The following PARD3 variants were observed in gnomAD, a reference collection of about 807,000 sequenced individuals.
The protein encoded by PARD3 is partitioning defective 3 homolog.
In PARD3, 75 loss-of-function variants were observed where a neutral mutation model predicts 155.4. The observed-to-expected ratio is 0.48, with a 90% confidence interval of 0.40 to 0.58. The LOEUF is 0.58. Among genes scored for constraint, PARD3 ranks in the 20% least tolerant of loss-of-function variants. The probability of loss-of-function intolerance (pLI) is 0.00; values close to 1 mark genes in which losing one functional copy is unlikely to be tolerated. For missense variants in PARD3, 1,642 were observed against 1,721.7 expected (o/e 0.95, Z 0.82); for synonymous variants, 576 against 610.5 (o/e 0.94, Z 0.83).
At chr10:34,740,044 AG>A (rs1177246498) in intron 1 of PARD3, among the ~76,000 whole-genome samples, 2 of 152,208 alleles carry the variant, frequency 1.3e-5, no homozygotes, top group Non-Finnish European at 2.9e-5. Context: ...AAGAAAGGAA[AG>A]GTGTCAGCTG....
intron 14 of PARD3, among the ~76,000 whole-genome samples, chr10:34,353,129 T>TG (rs992095027): frequency 9.9e-5 from 15 of 151,574 alleles, no homozygotes; most frequent in Admixed American, 5.2e-4. Context: ...GTCTGGGAAG[T>TG]GGGGGGCAGC....
At chr10:34,395,974 T>C (rs1229111615) in intron 7 of PARD3, among the ~76,000 whole-genome samples, 3 of 152,194 alleles carry the variant, frequency 2.0e-5, no homozygotes, top group Admixed American at 6.5e-5. Context: ...GACGAGCTAA[T>C]TGTCATTAAT....
chr10:34,681,149 G>C (rs1420423062), intron 2 of PARD3, among the ~76,000 whole-genome samples: 1 of 152,062 alleles, frequency 6.6e-6, no homozygotes, highest in African/African-American at 2.4e-5. Flanking sequence ...CAGAAATAGA[G>C]TAAGCTTTTG....
At chr10:34,709,319 T>G (rs1001797092) in intron 1 of PARD3, among the ~76,000 whole-genome samples, 1 of 152,236 alleles carries the variant, frequency 6.6e-6, no homozygotes, top group Non-Finnish European at 1.5e-5. Flanking sequence ...TGTGTGGAAT[T>G]TTCCACTTGT....
At chr10:34,814,755 G>C in intron 1 of PARD3, 121 bp downstream of exon 1, 2 of 873,294 alleles carry the variant, frequency 2.3e-6, no homozygotes, top group Non-Finnish European at 3.3e-6. Flanking sequence ...AGGCCCGACC[G>C]GCCGCACTTT....
chr10:34,557,211 T>G (rs1425311940), intron 2 of PARD3, among the ~76,000 whole-genome samples: 1 of 152,112 alleles, frequency 6.6e-6, no homozygotes, highest in African/African-American at 2.4e-5. Flanking sequence ...GTATGTTGGT[T>G]TTGAGGAGAA....
chr10:34,767,662 A>T (rs1838271615), intron 1 of PARD3, among the ~76,000 whole-genome samples: 1 of 151,770 alleles, frequency 6.6e-6, no homozygotes, highest in Admixed American at 6.6e-5. Context: ...GCAGTGGCAT[A>T]ATCTGGGCTC....
chr10:34,218,383 A>C (rs1333318786), intron 22 of PARD3, among the ~76,000 whole-genome samples: 2 of 152,184 alleles, frequency 1.3e-5, no homozygotes, highest in African/African-American at 4.8e-5. Context: ...ACTAACCACC[A>C]TGAAAAAACA....
intron 1 of PARD3, among the ~76,000 whole-genome samples, chr10:34,756,414 A>G (rs1836736607): frequency 6.7e-6 from 1 of 149,136 alleles, no homozygotes; most frequent in African/African-American, 2.5e-5. Flanking sequence ...CGGCCTCCCA[A>G]AGTGCTGGGA....
intron 2 of PARD3, among the ~76,000 whole-genome samples, chr10:34,601,220 A>C (rs1225880741): frequency 1.4e-5 from 2 of 147,180 alleles, no homozygotes; most frequent in African/African-American, 2.5e-5. Context: ...GAGGGCCAGG[A>C]GTTTGAGACC....
At chr10:34,275,336 G>A (rs1185208884) in intron 21 of PARD3, among the ~76,000 whole-genome samples, 1 of 152,148 alleles carries the variant, frequency 6.6e-6, no homozygotes, top group Non-Finnish European at 1.5e-5. Flanking sequence ...TATAGCATAC[G>A]TGTGGTCCAC....
At chr10:34,592,098 CG>C (rs143128628) in intron 2 of PARD3, among the ~76,000 whole-genome samples, 10,931 of 152,198 alleles carry the variant, frequency 0.072, 419 homozygotes, top group Middle Eastern at 0.092. Context: ...AAACTTTAGG[CG>C]CTCCTAACTA....
intron 2 of PARD3, among the ~76,000 whole-genome samples, chr10:34,536,800 T>A (rs1266430491): frequency 6.6e-6 from 1 of 152,170 alleles, no homozygotes; most frequent in African/African-American, 2.4e-5. Context: ...ACCCTGCTCT[T>A]CTAAGCAGAA....
chr10:34,119,686 G>C lies in PARD3; in HGVS notation c.3595C>G (p.Gln1199Glu), dbSNP rs773415190. The C allele has an allele frequency of 1.2e-6, 2 of 1,612,812 alleles. No homozygotes were observed. Among genetic ancestry groups the C allele is most frequent in the Admixed American group, 1.7e-5 (1 of 59,956 alleles). The change falls in exon 24 of 25, where the codon CAG (glutamine) becomes GAG (glutamate). Residue 1199 changes from glutamine (Q) to glutamate (E), a missense_variant. Transcript: ENST00000374788. ...TCCTCCTGCCGCTGCCGCTGCATCT[G>C]CACCTCCACGGACACCGAGTGTCGC... ...SGRHSVSVEV[Q>E]MQRQRQEERE...
chr10:34,453,916 G>A (rs1331007336), intron 4 of PARD3, among the ~76,000 whole-genome samples: 1 of 152,114 alleles, frequency 6.6e-6, no homozygotes, highest in East Asian at 1.9e-4. Context: ...TTATATTTGT[G>A]GAATCAACTT....
intron 1 of PARD3, among the ~76,000 whole-genome samples, chr10:34,735,139 G>A (rs891147350): frequency 2.0e-5 from 3 of 152,060 alleles, no homozygotes; most frequent in South Asian, 2.1e-4. Flanking sequence ...ATATCCAAAC[G>A]GACAACAGAA....
At chr10:34,156,225 G>C (rs894924819) in intron 22 of PARD3, among the ~76,000 whole-genome samples, 1 of 151,890 alleles carries the variant, frequency 6.6e-6, no homozygotes, top group Non-Finnish European at 1.5e-5. Flanking sequence ...TTCCTGCCTC[G>C]GCCTCCCAAG....
At chr10:34,280,608 C>T (rs1225144848) in intron 21 of PARD3, among the ~76,000 whole-genome samples, 3 of 152,162 alleles carry the variant, frequency 2.0e-5, no homozygotes, top group Non-Finnish European at 4.4e-5. Flanking sequence ...GGTTACAACA[C>T]TGCTTTAAAC....
At chr10:34,203,946 T>C (rs1401941261) in intron 22 of PARD3, among the ~76,000 whole-genome samples, 1 of 152,230 alleles carries the variant, frequency 6.6e-6, no homozygotes, top group Non-Finnish European at 1.5e-5. Flanking sequence ...AGGTTCTAAA[T>C]GCCTCAAAGA....
Sources: gnomAD v4.1 joint callset for allele counts (sites outside exome capture counted in the v4.1 genomes callset) on GRCh38, gnomAD v4.1.1 for gene constraint, MANE v1.5 for transcripts, NCBI Gene and HGNC (gene_info 2026-07-23, HGNC 2026-07-21) for gene names.